LEPR: variants seen among roughly 807,000 people sequenced by gnomAD.
LEPR encodes leptin receptor, also known as OB receptor.
In LEPR, 56 loss-of-function variants were observed where a neutral mutation model predicts 114.7. The ratio of observed to expected loss-of-function variants is 0.49; its 90% CI spans 0.39 to 0.61. LEPR has a LOEUF of 0.61. Ranked by LOEUF, LEPR falls within the 20% of genes least tolerant of loss-of-function variation. LEPR has a pLI of 0.00. For synonymous variants in LEPR, 443 were observed against 461.4 expected (o/e 0.96, Z 0.51); for missense variants, 1,202 against 1,352.9 (o/e 0.89, Z 1.75).
chr1:65,540,960 T>C (rs1241091334), intron 2 of LEPR, among the ~76,000 whole-genome samples: 1 of 152,114 alleles, frequency 6.6e-6, no homozygotes, highest in Non-Finnish European at 1.5e-5. Context: ...GCCTCTTGAG[T>C]AGCTGGGATT....
intron 2 of LEPR, among the ~76,000 whole-genome samples, chr1:65,452,777 G>A (rs1177174772): frequency 1.3e-5 from 2 of 152,102 alleles, no homozygotes; most frequent in African/African-American, 2.4e-5. Context: ...TTGGTATCAG[G>A]ATGATGCTGG....
At position 65,637,201 on chromosome 1, in the gene LEPR, C is replaced by T. The variant is rs574808755; in HGVS notation, c.*186C>T. 2 of 592,228 alleles carry T rather than the reference C, an allele frequency of 3.4e-6. No individual in the cohort carries two copies. Among genetic ancestry groups the T allele is most frequent in the Non-Finnish European group, 5.7e-6 (2 of 353,288 alleles). 36.7% of individuals were successfully genotyped at this position (592,228 alleles called of 1,614,324 possible). On this transcript the variant is annotated 3_prime_UTR_variant, in exon 20 of 20. Transcript: ENST00000349533. ...AAAATTTGAGAAAGCCTTCATAAGC[C>T]TACCAATGTAGACACGCTCTTCTAT...
intron 2 of LEPR, among the ~76,000 whole-genome samples, chr1:65,436,728 T>G (rs1646568682): frequency 6.6e-6 from 1 of 152,244 alleles, no homozygotes; most frequent in African/African-American, 2.4e-5. Context: ...TCACTTTTGA[T>G]TATATCTTTA....
intron 2 of LEPR, among the ~76,000 whole-genome samples, chr1:65,503,359 T>C (rs1391007453): frequency 6.6e-6 from 1 of 152,104 alleles, no homozygotes; most frequent in Non-Finnish European, 1.5e-5. Flanking sequence ...ATATAGAACA[T>C]GACTAAACAA....
At chr1:65,497,761 T>C (rs1035762117) in intron 2 of LEPR, among the ~76,000 whole-genome samples, 17 of 152,192 alleles carry the variant, frequency 1.1e-4, no homozygotes, top group African/African-American at 4.1e-4. Flanking sequence ...CTCTTCAAAC[T>C]TAGTCTTCTC....
At chr1:65,473,440 A>G (rs1647115289) in intron 2 of LEPR, among the ~76,000 whole-genome samples, 1 of 152,230 alleles carries the variant, frequency 6.6e-6, no homozygotes, top group South Asian at 2.1e-4. Flanking sequence ...AAAAATATAA[A>G]TCAATACAAA....
chr1:65,567,559 C>T (rs1250383142), intron 3 of LEPR, among the ~76,000 whole-genome samples: 1 of 152,110 alleles, frequency 6.6e-6, no homozygotes, highest in Non-Finnish European at 1.5e-5. Flanking sequence ...TCACATTAAT[C>T]ACTTTGGCCT....
chr1:65,600,012 C>T (rs1010910363), intron 8 of LEPR, among the ~76,000 whole-genome samples: 6 of 152,036 alleles, frequency 3.9e-5, no homozygotes, highest in African/African-American at 1.4e-4. Context: ...TCTTATTTCT[C>T]AGTTAAGCCT....
chr1:65,588,800 G>T (rs557966490), intron 5 of LEPR, among the ~76,000 whole-genome samples: 1 of 152,112 alleles, frequency 6.6e-6, no homozygotes, highest in South Asian at 2.1e-4. Context: ...TCCACTAAAT[G>T]GTTATATTGC....
intron 2 of LEPR, among the ~76,000 whole-genome samples, chr1:65,488,210 T>TTCTTTCTTTCTTTCTCTCTCTC: frequency 3.9e-5 from 1 of 25,868 alleles, no homozygotes; most frequent in African/African-American, 1.8e-4. Flanking sequence ...CTTTCTTTCT[T>TTCTTTCTTTCTTTCTCTCTCTC]TCTCTCTCTC....
chr1:65,505,759 T>A (rs1045862963), intron 2 of LEPR, among the ~76,000 whole-genome samples: 3 of 151,928 alleles, frequency 2.0e-5, no homozygotes, highest in Non-Finnish European at 4.4e-5. Flanking sequence ...CATCCCTTTT[T>A]TTTTTTTTTA....
At chr1:65,525,508 C>T (rs1244725877) in intron 2 of LEPR, 2 of 490,908 alleles carry the variant, frequency 4.1e-6, no homozygotes, top group Non-Finnish European at 5.3e-6. Flanking sequence ...CCGCCACCTG[C>T]GCGACCGCCC....
At chr1:65,622,189 AG>A (rs1386193714) in intron 18 of LEPR, among the ~76,000 whole-genome samples, 2 of 152,332 alleles carry the variant, frequency 1.3e-5, no homozygotes, top group Non-Finnish European at 1.5e-5. Context: ...AGCTTATAAC[AG>A]GAAATCCTAA....
intron 5 of LEPR, among the ~76,000 whole-genome samples, chr1:65,591,106 G>A (rs939723717): frequency 6.6e-6 from 1 of 151,778 alleles, no homozygotes; most frequent in African/African-American, 2.4e-5. Context: ...TTTGACCCAG[G>A]AATTATTTAG....
At chr1:65,551,344 C>G (rs879216765) in intron 2 of LEPR, among the ~76,000 whole-genome samples, 1 of 152,034 alleles carries the variant, frequency 6.6e-6, no homozygotes, top group Non-Finnish European at 1.5e-5. Context: ...CTGTCTGGTC[C>G]TGGGCCTTTT....
chr1:65,529,305 G>T (rs1485636645), intron 2 of LEPR, among the ~76,000 whole-genome samples: 1 of 151,750 alleles, frequency 6.6e-6, no homozygotes. Flanking sequence ...TGGATCACAA[G>T]GTCAGGAGTT....
intron 2 of LEPR, among the ~76,000 whole-genome samples, chr1:65,469,427 T>G (rs1043494080): frequency 6.6e-6 from 1 of 152,206 alleles, no homozygotes; most frequent in South Asian, 2.1e-4. Context: ...GCAGAAGTAG[T>G]TATCAGGCTA....
chr1:65,470,199 C>T (rs1647065838), intron 2 of LEPR, among the ~76,000 whole-genome samples: 1 of 152,146 alleles, frequency 6.6e-6, no homozygotes, highest in South Asian at 2.1e-4. Flanking sequence ...CTTATTGTGC[C>T]AATGTTGACA....
At chr1:65,479,037 G>A (rs1222957192) in intron 2 of LEPR, among the ~76,000 whole-genome samples, 2 of 152,170 alleles carry the variant, frequency 1.3e-5, no homozygotes, top group Non-Finnish European at 2.9e-5. Flanking sequence ...AGTTGTGTTT[G>A]TTTAATACAG....
Sources: allele counts gnomAD v4.1 joint callset (sites outside exome capture counted in the v4.1 genomes callset), GRCh38; gene constraint gnomAD v4.1.1; transcripts MANE v1.5; gene names NCBI Gene and HGNC (gene_info 2026-07-23, HGNC 2026-07-21).